FOXN3: variants seen among roughly 807,000 people sequenced by gnomAD.
FOXN3 encodes the protein forkhead box protein N3.
A neutral mutation model predicts 38.4 loss-of-function variants in FOXN3; 7 were observed. The ratio of observed to expected loss-of-function variants is 0.18; its 90% confidence interval spans 0.10 to 0.34. FOXN3 has a LOEUF of 0.34. FOXN3 is among the 10% of genes least tolerant of loss of function. FOXN3 has a pLI of 1.00. For synonymous variants in FOXN3, 230 were observed against 242.2 expected (o/e 0.95, Z 0.47); for missense variants, 456 against 613.4 (o/e 0.74, Z 2.71).
At chr14:89,383,041 T>G (rs1038118072) in intron 2 of FOXN3, among the ~76,000 whole-genome samples, 4 of 147,314 alleles carry the variant, frequency 2.7e-5, no homozygotes, top group African/African-American at 5.2e-5. Context: ...TTTTTTTTTT[T>G]TTTTTTTTTT....
At chr14:89,547,150 T>C (rs1229498192) in intron 1 of FOXN3, among the ~76,000 whole-genome samples, 3 of 152,362 alleles carry the variant, frequency 2.0e-5, no homozygotes, top group Middle Eastern at 3.4e-3. Flanking sequence ...ATCAGATTGC[T>C]GATGGGAATG....
At chr14:89,522,874 G>A (rs773347007) in intron 1 of FOXN3, among the ~76,000 whole-genome samples, 28 of 150,674 alleles carry the variant, frequency 1.9e-4, no homozygotes, top group Non-Finnish European at 3.4e-4. Context: ...CAATAATCAC[G>A]TTATATATAA....
chr14:89,602,984 A>AATAT (rs1896183550), intron 1 of FOXN3, among the ~76,000 whole-genome samples: 1 of 152,192 alleles, frequency 6.6e-6, no homozygotes, highest in Non-Finnish European at 1.5e-5. Flanking sequence ...TCCGAGAGGA[A>AATAT]ATATGTGGCA....
chr14:89,416,102 C>G (rs1241708126), intron 1 of FOXN3, among the ~76,000 whole-genome samples: 2 of 152,252 alleles, frequency 1.3e-5, no homozygotes, highest in East Asian at 3.9e-4. Flanking sequence ...TTTGGGGGGC[C>G]GGGTCACCCC....
intron 1 of FOXN3, among the ~76,000 whole-genome samples, chr14:89,457,715 C>G (rs1452671581): frequency 6.6e-6 from 1 of 152,192 alleles, no homozygotes; most frequent in Middle Eastern, 3.4e-3. Context: ...TTGGGAGAAA[C>G]AAGAAGTGAG....
At chr14:89,213,818 AC>A (rs1234125086) in intron 4 of FOXN3, among the ~76,000 whole-genome samples, 2 of 56,536 alleles carry the variant, frequency 3.5e-5, no homozygotes, top group African/African-American at 1.8e-4. Context: ...AAGAAGGCAT[AC>A]AAATATCAAA....
intron 1 of FOXN3, among the ~76,000 whole-genome samples, chr14:89,467,591 A>G (rs1321791468): frequency 6.6e-6 from 1 of 150,674 alleles, no homozygotes. Flanking sequence ...AAGGAAGAAA[A>G]TTAAAGCTAA....
chr14:89,473,632 T>C (rs1893154263), intron 1 of FOXN3, among the ~76,000 whole-genome samples: 1 of 152,138 alleles, frequency 6.6e-6, no homozygotes. Context: ...CCTCCCAAAA[T>C]GCTGGGATTA....
chr14:89,234,273 G>C (rs921820132), intron 4 of FOXN3, among the ~76,000 whole-genome samples: 5 of 152,192 alleles, frequency 3.3e-5, no homozygotes, highest in Non-Finnish European at 7.3e-5. Context: ...TAGTTCTGGA[G>C]GCTAGAAGTC....
rs1290994555 is a variant in FOXN3, at chr14:89,596,484, A to G, written c.-15+22544T>C. On this transcript the variant is annotated intron_variant, in intron 1 of 6. Transcript: ENST00000345097. Reference sequence around the variant, plus strand: ...TATTCATGAGTGAAACTGGCCTGGAATGTTCCTTTCTTATAACATTTCAGT... The same window carrying G: ...TATTCATGAGTGAAACTGGCCTGGAGTGTTCCTTTCTTATAACATTTCAGT... 2.0e-5 allele frequency among the ~76,000 whole-genome samples: 3 copies of G among 152,166 alleles called. No homozygotes were observed. In the East Asian group the frequency reaches 5.8e-4, roughly 29 times the overall value.
intron 4 of FOXN3, among the ~76,000 whole-genome samples, chr14:89,199,201 G>A (rs1888173460): frequency 6.6e-6 from 1 of 152,190 alleles, no homozygotes; most frequent in Non-Finnish European, 1.5e-5. Context: ...GATGAAGTGG[G>A]AAACAGGAGA....
chr14:89,405,575 A>C (rs889190405), intron 2 of FOXN3, among the ~76,000 whole-genome samples: 2 of 152,184 alleles, frequency 1.3e-5, no homozygotes, highest in African/African-American at 4.8e-5. Context: ...CTCTGATGCC[A>C]CTGAAGGGGT....
At chr14:89,304,671 G>A (rs1047230443) in intron 3 of FOXN3, among the ~76,000 whole-genome samples, 3 of 152,088 alleles carry the variant, frequency 2.0e-5, no homozygotes, top group Non-Finnish European at 4.4e-5. Context: ...CCAAAACTAA[G>A]GATAAAGCAG....
At chr14:89,299,564 TC>T (rs1014882073) in intron 3 of FOXN3, among the ~76,000 whole-genome samples, 2 of 152,122 alleles carry the variant, frequency 1.3e-5, no homozygotes, top group African/African-American at 4.8e-5. Flanking sequence ...GCCTCACTGA[TC>T]CCCAAATACG....
chr14:89,539,707 C>G (rs111999336), intron 1 of FOXN3, among the ~76,000 whole-genome samples: 1 of 152,080 alleles, frequency 6.6e-6, no homozygotes, highest in African/African-American at 2.4e-5. Flanking sequence ...AAATTCAAGC[C>G]AAATCATCCA....
intron 3 of FOXN3, among the ~76,000 whole-genome samples, chr14:89,347,371 G>A (rs1439886455): frequency 6.6e-6 from 1 of 152,136 alleles, no homozygotes; most frequent in Non-Finnish European, 1.5e-5. Context: ...GGCCAAGGAA[G>A]GCCAAAAGCA....
At chr14:89,331,539 G>C (rs1888248191) in intron 3 of FOXN3, among the ~76,000 whole-genome samples, 1 of 152,340 alleles carries the variant, frequency 6.6e-6, no homozygotes, top group African/African-American at 2.4e-5. Context: ...GAAGGGGACT[G>C]AGGATGAAGA....
intron 1 of FOXN3, among the ~76,000 whole-genome samples, chr14:89,486,851 G>T (rs1002403229): frequency 6.6e-6 from 1 of 152,144 alleles, no homozygotes; most frequent in African/African-American, 2.4e-5. Flanking sequence ...CTTTCACGAT[G>T]GAGTGTTTTT....
At chr14:89,401,326 C>A (rs1475029850) in intron 2 of FOXN3, among the ~76,000 whole-genome samples, 1 of 152,134 alleles carries the variant, frequency 6.6e-6, no homozygotes, top group Non-Finnish European at 1.5e-5. Flanking sequence ...CCTGTAATCC[C>A]AGCTACTCAG....
Sources: allele counts gnomAD v4.1 joint callset (sites outside exome capture counted in the v4.1 genomes callset), GRCh38; gene constraint gnomAD v4.1.1; transcripts MANE v1.5; gene names NCBI Gene and HGNC (gene_info 2026-07-23, HGNC 2026-07-21).